FRAS1: variants seen among roughly 807,000 people sequenced by gnomAD.
The protein encoded by FRAS1 is Fraser extracellular matrix complex subunit 1.
A neutral mutation model predicts 435.2 loss-of-function variants in FRAS1; 290 were observed. That is an observed-to-expected ratio of 0.67 (90% CI 0.61 to 0.73). The LOEUF (loss-of-function observed/expected upper bound fraction) is 0.73, where lower values mean the gene tolerates loss of function less well. Among genes scored for constraint, FRAS1 ranks in the 30% least tolerant of loss-of-function variants. The pLI, the probability that FRAS1 is intolerant of heterozygous loss-of-function variation, is 0.00. For missense variants in FRAS1, 4,860 were observed against 5,001.5 expected, an observed-to-expected ratio of 0.97 and a Z score of 0.85; for synonymous variants, 1,800 against 1,851.0, an observed-to-expected ratio of 0.97 and a Z score of 0.71.
intron 18 of FRAS1, chr4:78,319,243 G>C: frequency 1.9e-6 from 1 of 530,774 alleles, no homozygotes; most frequent in Non-Finnish European, 3.5e-6. Flanking sequence ...AGGAGTCCCA[G>C]ACAGAAATTC....
intron 18 of FRAS1, among the ~76,000 whole-genome samples, chr4:78,320,741 T>C (rs1487927384): frequency 1.3e-5 from 2 of 152,110 alleles, no homozygotes; most frequent in African/African-American, 4.8e-5. Context: ...CTGCATAGTT[T>C]TACACAGCCT....
rs1484666084 is a variant in FRAS1 at position 78,511,446 on chromosome 4, C to G, written c.9953C>G (p.Ala3318Gly). ...VVAGTSRGFQ[A>G]QSFIATLKYL... ...GCTGGGACATCCAGAGGCTTCCAGG[C>G]TCAGTCCTTCATCGCAACCTTGAAA... Residue 3318 changes from alanine (A) to glycine (G), a missense_variant, in exon 64 of 74, where the codon GCT (alanine) becomes GGT (glycine). By Grantham distance (60) the Ala-to-Gly change is moderately conservative. Transcript: ENST00000512123. The G allele has an allele frequency of 3.1e-6, 5 of 1,613,822 alleles. No homozygotes were observed. The South Asian group carries it at 3.3e-5, about 11-fold the overall frequency.
At chr4:78,434,089 G>T (rs1463898863) in intron 38 of FRAS1, among the ~76,000 whole-genome samples, 1 of 152,168 alleles carries the variant, frequency 6.6e-6, no homozygotes, top group East Asian at 1.9e-4. Context: ...TTCCAGATAT[G>T]CATAGTTAGA....
At chr4:78,267,581 C>T (rs917323226) in intron 9 of FRAS1, 149 bp downstream of exon 9, 35 of 720,398 alleles carry the variant, frequency 4.9e-5, no homozygotes, top group South Asian at 1.4e-4. Context: ...GTAAAGCTTC[C>T]GTGGTATAAA....
At chr4:78,134,858 A>G (rs1239452220) in intron 2 of FRAS1, among the ~76,000 whole-genome samples, 3 of 152,210 alleles carry the variant, frequency 2.0e-5, no homozygotes, top group Non-Finnish European at 4.4e-5. Flanking sequence ...AAGTTAAACT[A>G]CTTACTGGCA....
chr4:78,342,159 C>G (rs1039978633), intron 20 of FRAS1, among the ~76,000 whole-genome samples: 13 of 152,320 alleles, frequency 8.5e-5, no homozygotes, highest in African/African-American at 3.1e-4. Flanking sequence ...GAAGGACCCT[C>G]TCTGCCTGCT....
intron 9 of FRAS1, among the ~76,000 whole-genome samples, chr4:78,276,193 G>A (rs187396314): frequency 2.0e-5 from 3 of 152,228 alleles, no homozygotes; most frequent in African/African-American, 7.2e-5. Context: ...TCTCTACACT[G>A]GTTGTTCTGG....
intron 2 of FRAS1, among the ~76,000 whole-genome samples, chr4:78,073,330 G>A (rs1740456587): frequency 6.6e-6 from 1 of 152,134 alleles, no homozygotes; most frequent in African/African-American, 2.4e-5. Flanking sequence ...AGGAACAGAT[G>A]TTTTAAGTTA....
intron 2 of FRAS1, among the ~76,000 whole-genome samples, chr4:78,079,852 C>A (rs1409976539): frequency 6.6e-6 from 1 of 152,056 alleles, no homozygotes; most frequent in Non-Finnish European, 1.5e-5. Context: ...TACTACACAG[C>A]CAAGTGGAGG....
At chr4:78,267,879 G>A (rs367891853) in intron 9 of FRAS1, among the ~76,000 whole-genome samples, 2 of 152,336 alleles carry the variant, frequency 1.3e-5, no homozygotes, top group East Asian at 1.9e-4. Context: ...GGCCGCTTCC[G>A]TGGATCAGGA....
At chr4:78,479,781 CTCCT>C in intron 56 of FRAS1, 63 bp downstream of exon 56, 1 of 1,291,620 alleles carries the variant, frequency 7.7e-7, no homozygotes, top group Non-Finnish European at 1.1e-6. Context: ...GAGCAGTTTT[CTCCT>C]TAGGTTTCAG....
At chr4:78,068,213 A>G (rs1740150525) in intron 2 of FRAS1, among the ~76,000 whole-genome samples, 1 of 152,176 alleles carries the variant, frequency 6.6e-6, no homozygotes, top group South Asian at 2.1e-4. Flanking sequence ...AGAATGTCAG[A>G]TAGGTGGGCT....
chr4:78,224,484 G>A (rs759564868), intron 2 of FRAS1, among the ~76,000 whole-genome samples: 7 of 152,116 alleles, frequency 4.6e-5, no homozygotes, highest in African/African-American at 1.2e-4. Flanking sequence ...GTATATATGT[G>A]TATGTAATAA....
chr4:78,197,227 G>A (rs1400488727), intron 2 of FRAS1, among the ~76,000 whole-genome samples: 1 of 152,172 alleles, frequency 6.6e-6, no homozygotes, highest in East Asian at 1.9e-4. Context: ...CACTGCTGGG[G>A]TTGAAATCCT....
At chr4:78,448,452 G>A in intron 44 of FRAS1, 136 bp downstream of exon 44, 1 of 784,710 alleles carries the variant, frequency 1.3e-6, no homozygotes, top group Non-Finnish European at 1.9e-6. Context: ...GGAGATTGGA[G>A]TCTTGGAAAA....
chr4:78,431,652 C>A (rs999603785), intron 37 of FRAS1, among the ~76,000 whole-genome samples: 1 of 152,094 alleles, frequency 6.6e-6, no homozygotes, highest in African/African-American at 2.4e-5. Context: ...CACTAAGAGG[C>A]ATTTCTCATA....
intron 2 of FRAS1, among the ~76,000 whole-genome samples, chr4:78,187,536 T>C (rs1488298643): frequency 5.3e-5 from 8 of 152,144 alleles, no homozygotes. Context: ...ATTAAGACTA[T>C]TGCCCCTCAG....
chr4:78,382,440 C>A (rs956446428), intron 27 of FRAS1, among the ~76,000 whole-genome samples: 2 of 151,866 alleles, frequency 1.3e-5, no homozygotes, highest in Admixed American at 6.6e-5. Flanking sequence ...ATATACTGAA[C>A]ACTGTTATTG....
chr4:78,492,071 A>G (rs1310068379), intron 59 of FRAS1, among the ~76,000 whole-genome samples: 1 of 152,236 alleles, frequency 6.6e-6, no homozygotes, highest in African/African-American at 2.4e-5. Flanking sequence ...AGAATAAAAT[A>G]CCTAAGAATA....
Sources: gnomAD v4.1 joint callset for allele counts (sites outside exome capture counted in the v4.1 genomes callset) on GRCh38, gnomAD v4.1.1 for gene constraint, MANE v1.5 for transcripts, NCBI Gene and HGNC (gene_info 2026-07-23, HGNC 2026-07-21) for gene names.